The following NPIPB8 variants were observed in gnomAD, a reference collection of about 807,000 sequenced individuals.
The protein encoded by NPIPB8 is nuclear pore complex-interacting protein family member B8.
In NPIPB8, 3 loss-of-function variants were observed where a neutral mutation model predicts 5.3. The ratio of observed to expected loss-of-function variants is 0.57; its 90% CI spans 0.26 to 1.47. The LOEUF (loss-of-function observed/expected upper bound fraction) is 1.47, where lower values mean the gene tolerates loss of function less well. NPIPB8 is among the 40% of genes most tolerant of loss of function. NPIPB8 has a pLI of 0.13. For missense variants in NPIPB8, 50 were observed against 50.2 expected, an observed-to-expected ratio of 1.00 and a Z score of 0.01; for synonymous variants, 18 against 23.0, an observed-to-expected ratio of 0.78 and a Z score of 0.62.
chr16:28,645,151 G>C lies in NPIPB8; in HGVS notation c.121-2984G>C, dbSNP rs574236731. ...CTCCGCTTCCGGGGTTCAAGCAATTGTCCTGCCCCAGCCTCCTGAGTGGCT... is the reference window on the plus strand; with the variant it reads ...CTCCGCTTCCGGGGTTCAAGCAATTCTCCTGCCCCAGCCTCCTGAGTGGCT... On this transcript the variant is annotated intron_variant, in intron 2 of 7. Transcript: ENST00000683297. 1.1e-4 allele frequency among the ~76,000 whole-genome samples: 15 copies of C among 130,800 alleles called. No individual in the cohort carries two copies. In the South Asian group the frequency reaches 2.9e-3, roughly 25 times the overall value. The allele number at this position is 130,800 out of a possible 152,430, so 85.8% of individuals were successfully genotyped here. A position where few individuals can be genotyped will look rare whatever the true frequency, so the allele number is the denominator to read the frequency against.
At chr16:28,642,643 C>G (rs1273280448) in intron 2 of NPIPB8, among the ~76,000 whole-genome samples, 1 of 151,032 alleles carries the variant, frequency 6.6e-6, no homozygotes, top group Admixed American at 6.6e-5. Flanking sequence ...CACCACCACA[C>G]CCGGCTAATT....
Position 28,638,442 on chromosome 16 carries a change from G to A in NPIPB8, c.82G>A (p.Val28Ile). Residue 28 changes from valine (V) to isoleucine (I), a missense_variant, in exon 2 of 8, where the codon GTA becomes ATA. Coordinates refer to ENST00000683297, the MANE Select transcript of NPIPB8 (RefSeq NM_001310136.2). Reference protein sequence around the residue: ...GQLTKELQQHVKSVTCPCEYL... With the variant: ...GQLTKELQQHIKSVTCPCEYL... The stretch of plus-strand genomic sequence containing the variant: ...GCTCACCAAGGAGCTGCAGCAGCAT[G>A]TAAAGTCAGTGACATGCCCATGCGA... 2 of 1,572,850 alleles carry A rather than the reference G, an allele frequency of 1.3e-6. No individual in the cohort carries two copies. The highest frequency in any genetic ancestry group is 2.3e-5 in the South Asian group (2 of 88,404).
chr16:28,639,810 A>G (rs536848496), intron 2 of NPIPB8, among the ~76,000 whole-genome samples: 109 of 150,912 alleles, frequency 7.2e-4, no homozygotes, highest in Non-Finnish European at 1.2e-4. Flanking sequence ...CTATGAAAGA[A>G]TATGCATAGT....
At chr16:28,642,225 C>T (rs1423984205) in intron 2 of NPIPB8, among the ~76,000 whole-genome samples, 4 of 151,612 alleles carry the variant, frequency 2.6e-5, no homozygotes, top group Middle Eastern at 3.2e-3. Flanking sequence ...CCTGCCTCAG[C>T]CTCCTGAGTA....
At position 28,638,253 on chromosome 16, in the gene NPIPB8, C is replaced by A. The variant is rs1405355066; in HGVS notation, c.-38-70C>A. On this transcript the variant is annotated intron_variant, in intron 1 of 7. Transcript: ENST00000683297. ...TTTCTGAAGCCCCTATGCTCTTGAC[C>A]ACTATAGACTCAAACATCACCTTGT... 7 of 1,530,710 alleles carry A rather than the reference C, an allele frequency of 4.6e-6. No homozygotes were observed. The East Asian group carries it at 1.5e-4, about 32-fold the overall frequency. 94.8% of individuals were successfully genotyped at this position (1,530,710 alleles called of 1,614,324 possible). A position where few individuals can be genotyped will look rare whatever the true frequency, so the allele number is the denominator to read the frequency against.
chr16:28,642,785 G>GTTTTGT (rs1422070345), intron 2 of NPIPB8, among the ~76,000 whole-genome samples: 1 of 151,650 alleles, frequency 6.6e-6, no homozygotes, highest in Non-Finnish European at 1.5e-5. Flanking sequence ...CCCAGCCCCT[G>GTTTTGT]TTTTGTTTTT....
chr16:28,642,143 T>C (rs2047909357), intron 2 of NPIPB8, among the ~76,000 whole-genome samples: 1 of 151,578 alleles, frequency 6.6e-6, no homozygotes, highest in East Asian at 1.9e-4. Context: ...TTCCATTCTG[T>C]CACCCAGGCT....
In NPIPB8 at chr16:28,638,461, C is replaced by T. The variant is rs770527133; in HGVS notation, c.101C>T (p.Pro34Leu). The T allele has an allele frequency of 4.5e-6, 7 of 1,567,966 alleles. No homozygotes were observed. In the Admixed American group the frequency reaches 5.4e-5, roughly 12 times the overall value. ...LQQHVKSVTCPCEYLRKVINS... is the reference protein window; with the variant it reads ...LQQHVKSVTCLCEYLRKVINS... ...CAGCATGTAAAGTCAGTGACATGCC[C>T]ATGCGAGTACCTGAGGAAGGTGAGT... The change falls in exon 2 of 8, where the codon CCA (proline) becomes CTA (leucine). Residue 34 changes from proline to leucine, a missense_variant. Coordinates refer to ENST00000683297, the MANE Select transcript of NPIPB8 (RefSeq NM_001310136.2).
chr16:28,640,928 A>AT (rs1001618007), intron 2 of NPIPB8, among the ~76,000 whole-genome samples: 17 of 152,206 alleles, frequency 1.1e-4, no homozygotes, highest in Non-Finnish European at 1.9e-4. Context: ...AAATTCCAAC[A>AT]TTTTAGTTCC....
intron 2 of NPIPB8, among the ~76,000 whole-genome samples, chr16:28,642,104 C>CT (rs1371207856): frequency 2.3e-5 from 3 of 130,450 alleles, no homozygotes; most frequent in African/African-American, 9.7e-5. Context: ...AAATCTAGGG[C>CT]TTCTTTTTTT....
rs1485645079 is a variant in NPIPB8 at position 28,645,264 on chromosome 16, C to T, written c.121-2871C>T. 3.7e-5 allele frequency among the ~76,000 whole-genome samples: 4 copies of T among 107,342 alleles called. No individual in the cohort carries two copies. In the South Asian group the frequency reaches 1.1e-3, roughly 31 times the overall value. 70.4% of individuals were successfully genotyped at this position (107,342 alleles called of 152,430 possible). A position where few individuals can be genotyped will look rare whatever the true frequency, so the allele number is the denominator to read the frequency against. On this transcript the variant is annotated intron_variant, in intron 2 of 7. Transcript: ENST00000683297. Reference sequence around the variant, plus strand: ...CAGGATAGTCTCCATCTCTTGACCTCGTGATCCGCCTGCCTCGGCCTCCCA... The same window carrying T: ...CAGGATAGTCTCCATCTCTTGACCTTGTGATCCGCCTGCCTCGGCCTCCCA...
chr16:28,639,451 A>G (rs1271318451), intron 2 of NPIPB8, among the ~76,000 whole-genome samples: 2 of 81,988 alleles, frequency 2.4e-5, no homozygotes, highest in African/African-American at 4.2e-5. Context: ...ACACATATAT[A>G]TATATTTTTT....
chr16:28,640,073 G>T (rs2047868298), intron 2 of NPIPB8, among the ~76,000 whole-genome samples: 1 of 151,500 alleles, frequency 6.6e-6, no homozygotes, highest in African/African-American at 2.4e-5. Flanking sequence ...TGAAACTGAG[G>T]CTCAGAGACT....
At chr16:28,638,223 G>A (rs1309569968) in intron 1 of NPIPB8, 73 bp downstream of exon 1, 1 of 1,480,894 alleles carries the variant, frequency 6.8e-7, no homozygotes. Flanking sequence ...ACTTGGTTCT[G>A]TCCTTTTCTG....
At chr16:28,639,444 CAT>C (rs1340453842) in intron 2 of NPIPB8, among the ~76,000 whole-genome samples, 29 of 116,970 alleles carry the variant, frequency 2.5e-4, no homozygotes, top group South Asian at 5.3e-4. Flanking sequence ...CACACACACA[CAT>C]ATATATATAT....
chr16:28,640,435 G>A (rs1343289837), intron 2 of NPIPB8, among the ~76,000 whole-genome samples: 2 of 152,214 alleles, frequency 1.3e-5, no homozygotes, highest in East Asian at 1.9e-4. Context: ...GGAGAGAGTG[G>A]CCAGTCTCAA....
chr16:28,640,303 C>T (rs964876535), intron 2 of NPIPB8, among the ~76,000 whole-genome samples: 13 of 151,992 alleles, frequency 8.6e-5, no homozygotes, highest in Non-Finnish European at 1.5e-4. Flanking sequence ...AGGCTCTTTT[C>T]CTGCCCATGC....
At chr16:28,647,785 GT>G (rs1279370256) in intron 2 of NPIPB8, among the ~76,000 whole-genome samples, 1 of 68,602 alleles carries the variant, frequency 1.5e-5, no homozygotes, top group Non-Finnish European at 2.5e-5. Context: ...AAAAAAAAGA[GT>G]TTTTTTTTAG....
intron 2 of NPIPB8, among the ~76,000 whole-genome samples, chr16:28,642,730 C>A (rs1408942212): frequency 1.3e-5 from 2 of 151,610 alleles, no homozygotes; most frequent in Admixed American, 6.6e-5. Flanking sequence ...GATCCGCCCA[C>A]CTCGGCCTCC....
Sources: gnomAD v4.1 joint callset for allele counts (sites outside exome capture counted in the v4.1 genomes callset) on GRCh38, gnomAD v4.1.1 for gene constraint, MANE v1.5 for transcripts, NCBI Gene and HGNC (gene_info 2026-07-23, HGNC 2026-07-21) for gene names.